CEP295: variants seen among roughly 807,000 people sequenced by gnomAD.
CEP295 encodes the protein centrosomal protein of 295 kDa.
In CEP295, 190 loss-of-function variants were observed where a neutral mutation model predicts 291.6. That is an observed-to-expected ratio of 0.65 (90% CI 0.58 to 0.73). CEP295 has a LOEUF of 0.73. Among genes scored for constraint, CEP295 ranks in the 30% least tolerant of loss-of-function variants. The pLI is 0.00. For missense variants in CEP295, 2,863 were observed against 2,949.4 expected (o/e 0.97, Z 0.68); for synonymous variants, 993 against 1,038.8 (o/e 0.96, Z 0.85).
intron 7 of CEP295, among the ~76,000 whole-genome samples, chr11:93,681,589 T>C (rs1950968328): frequency 6.6e-6 from 1 of 151,614 alleles, no homozygotes; most frequent in South Asian, 2.1e-4. Context: ...CTAATTTTTA[T>C]ATTTTTAGTA....
rs371651578 is a variant in CEP295 at position 93,698,843 on chromosome 11, A to G, written c.3931A>G (p.Ile1311Val). 2 of 1,551,754 alleles carry G rather than the reference A, an allele frequency of 1.3e-6. No homozygotes were observed. Among genetic ancestry groups the G allele is most frequent in the South Asian group, 2.4e-5 (2 of 84,064 alleles). Reference sequence around the variant, plus strand: ...GTTAGCTTCAGCTGAGTCTGGCACAATCCTGGAACCTCTTTTTACAGAGAG... The same window carrying G: ...GTTAGCTTCAGCTGAGTCTGGCACAGTCCTGGAACCTCTTTTTACAGAGAG... Reference protein sequence around the residue: ...TSLASAESGTILEPLFTESES... With the variant: ...TSLASAESGTVLEPLFTESES... Residue 1311 changes from isoleucine to valine, a missense_variant, in exon 15 of 30, where the codon ATC becomes GTC. Transcript: ENST00000325212.
At chr11:93,663,777 A>G (rs984985275) in intron 1 of CEP295, among the ~76,000 whole-genome samples, 4 of 152,206 alleles carry the variant, frequency 2.6e-5, no homozygotes, top group Non-Finnish European at 5.9e-5. Context: ...ATGTTTTTCA[A>G]TAATCCTCTG....
chr11:93,694,244 G>A (rs1226578790), intron 12 of CEP295, among the ~76,000 whole-genome samples: 1 of 152,140 alleles, frequency 6.6e-6, no homozygotes, highest in Non-Finnish European at 1.5e-5. Context: ...GTAAATACTT[G>A]TCTGTTTATC....
At chr11:93,696,494 A>T in intron 14 of CEP295, 77 bp downstream of exon 14, 1 of 1,111,680 alleles carries the variant, frequency 9.0e-7, no homozygotes, top group African/African-American at 1.6e-5. Context: ...TTATATGAGG[A>T]TCTAATTTGG....
At chr11:93,666,926 C>A in intron 2 of CEP295, 111 bp downstream of exon 2, 1 of 600,600 alleles carries the variant, frequency 1.7e-6, no homozygotes, top group Non-Finnish European at 2.8e-6. Flanking sequence ...TCTGGGTATA[C>A]GAGAGCCCTG....
chr11:93,689,611 A>G (rs573802886), intron 10 of CEP295, among the ~76,000 whole-genome samples: 1 of 151,370 alleles, frequency 6.6e-6, no homozygotes, highest in South Asian at 2.1e-4. Context: ...CCCCACCTCT[A>G]CCCCAACCTC....
Position 93,697,499 on chromosome 11 carries a change from G to T in CEP295, c.2587G>T (p.Ala863Ser). Residue 863 changes from alanine to serine, a missense_variant, in exon 15 of 30, where the codon GCA (alanine) becomes TCA (serine). By Grantham distance (99) the Ala-to-Ser change is moderately conservative. This residue lies in a region of CEP295 where 2,295 missense variants were observed against 2,335.7 expected (regional missense o/e 0.98). Coordinates refer to ENST00000325212, the MANE Select transcript of CEP295 (RefSeq NM_033395.2). ...AGACCTACAGAAGAAAGTTCTTCAG[G>T]CAACTCAGGAAGCTCAGGAACAGTT... ...QLDLQKKVLQ[A>S]TQEAQEQLLL... 1 of 1,551,888 alleles carries T rather than the reference G, an allele frequency of 6.4e-7. No individual in the cohort carries two copies. Among genetic ancestry groups the T allele is most frequent in the Non-Finnish European group, 8.7e-7 (1 of 1,147,016 alleles).
Position 93,696,615 on chromosome 11 carries a change from A to T in CEP295, c.1770-67A>T. 2.2e-6 allele frequency: 3 copies of T among 1,372,444 alleles called. No individual in the cohort carries two copies. The South Asian group carries it at 4.5e-5, about 21-fold the overall frequency. The allele number at this position is 1,372,444 out of a possible 1,614,324, so 85.0% of individuals were successfully genotyped here. A position where few individuals can be genotyped will look rare whatever the true frequency, so the allele number is the denominator to read the frequency against. On this transcript the variant is annotated intron_variant, in intron 14 of 29. Coordinates refer to ENST00000325212, the MANE Select transcript of CEP295 (RefSeq NM_033395.2). Reference sequence around the variant, plus strand: ...CCTAGATTGCTGTTTGTTAAATTTAATGTATAGACATGGGGCTTTTTATTT... The same window carrying T: ...CCTAGATTGCTGTTTGTTAAATTTATTGTATAGACATGGGGCTTTTTATTT...
At chr11:93,673,693 A>G (rs1950553486) in intron 5 of CEP295, among the ~76,000 whole-genome samples, 3 of 151,912 alleles carry the variant, frequency 2.0e-5, no homozygotes, top group Admixed American at 2.0e-4. Context: ...GGGTTTCTCC[A>G]TGTTGGTCAG....
rs1441782091 is a variant in CEP295 at position 93,723,304 on chromosome 11, A to T, written c.6196+15A>T. On this transcript the variant is annotated intron_variant, in intron 21 of 29. Transcript: ENST00000325212. ...AGATTTGCAAGGTAAAATTATTTTA[A>T]AGCAATACTTTTATGTAAATTAAGT... 1.4e-6 allele frequency: 2 copies of T among 1,450,914 alleles called. No homozygotes were observed. The highest frequency in any genetic ancestry group is 5.0e-5 in the East Asian group (2 of 40,200). 89.9% of individuals were successfully genotyped at this position (1,450,914 alleles called of 1,614,324 possible). A position where few individuals can be genotyped will look rare whatever the true frequency, so the allele number is the denominator to read the frequency against.
rs964168143 is a variant in CEP295, at chr11:93,699,328, T to C, written c.4416T>C (p.Ser1472=). 2.4e-5 allele frequency: 38 copies of C among 1,552,012 alleles called. No individual in the cohort carries two copies. The highest frequency in any genetic ancestry group is 3.1e-5 in the Non-Finnish European group (36 of 1,147,080). Reference sequence around the variant, plus strand: ...ATGCACAGACAGATTTCCTTCCTTCTATTGAGAAAACCCAGAAAGAATTGG... The same window carrying C: ...ATGCACAGACAGATTTCCTTCCTTCCATTGAGAAAACCCAGAAAGAATTGG... ...HLHAQTDFLP[S]IEKTQKELVL... The change falls in exon 15 of 30, where the codon TCT becomes TCC. Residue 1472 remains serine, a synonymous_variant. Coordinates refer to ENST00000325212, the MANE Select transcript of CEP295 (RefSeq NM_033395.2).
intron 5 of CEP295, among the ~76,000 whole-genome samples, chr11:93,673,555 G>T (rs947954177): frequency 6.6e-6 from 1 of 151,514 alleles, no homozygotes; most frequent in Non-Finnish European, 1.5e-5. Context: ...GGGCAGTGGT[G>T]CAGTCTCGGC....
intron 18 of CEP295, among the ~76,000 whole-genome samples, chr11:93,711,881 C>T (rs1952928764): frequency 6.6e-6 from 1 of 151,072 alleles, no homozygotes; most frequent in African/African-American, 2.4e-5. Context: ...TGTGGTCTGT[C>T]TCTGACAATG....
At position 93,706,729 on chromosome 11, in the gene CEP295, AT is replaced by A. The variant is rs573988986; in HGVS notation, c.5597-10del. 2.4e-4 allele frequency: 367 copies of A among 1,502,174 alleles called. No homozygotes were observed. The highest frequency in any genetic ancestry group is 6.1e-4 in the African/African-American group (43 of 70,892). The allele number at this position is 1,502,174 out of a possible 1,614,324, so 93.1% of individuals were successfully genotyped here. ...TAGTTCCAGAAATTGAAGTGGAAAT[AT>A]TTTTTCCCCCCCAGGTAAACCAGGT... On this transcript the variant is annotated splice_polypyrimidine_tract_variant and intron_variant, in intron 17 of 29. Coordinates refer to ENST00000325212, the MANE Select transcript of CEP295 (RefSeq NM_033395.2).
chr11:93,662,598 A>G (rs1255768254), intron 1 of CEP295, among the ~76,000 whole-genome samples: 2 of 152,258 alleles, frequency 1.3e-5, no homozygotes, highest in Admixed American at 1.3e-4. Context: ...TAAATAATTA[A>G]TAAACAAGTA....
At chr11:93,724,067 G>T (rs1490122471) in intron 21 of CEP295, 187 bp from the exon 22 acceptor site, 1 of 514,364 alleles carries the variant, frequency 1.9e-6, no homozygotes, top group Non-Finnish European at 3.3e-6. Flanking sequence ...AAATAATCAT[G>T]ATAGGACTTA....
At chr11:93,674,163 A>G (rs925071641) in intron 5 of CEP295, among the ~76,000 whole-genome samples, 4 of 151,814 alleles carry the variant, frequency 2.6e-5, no homozygotes, top group African/African-American at 9.7e-5. Context: ...GAGTTTTACC[A>G]TGTTGGCTAG....
chr11:93,697,255 T>A lies in CEP295; in HGVS notation c.2343T>A (p.Thr781=). 1 of 1,551,762 alleles carries A rather than the reference T, an allele frequency of 6.4e-7. No homozygotes were observed. Among genetic ancestry groups the A allele is most frequent in the Non-Finnish European group, 8.7e-7 (1 of 1,146,990 alleles). Residue 781 remains threonine (T), a synonymous_variant, in exon 15 of 30, where the codon ACT becomes ACA. Coordinates refer to ENST00000325212, the MANE Select transcript of CEP295 (RefSeq NM_033395.2). Reference sequence around the variant, plus strand: ...GTGAAAATATATCTTACCATTTAACTGAACCTTCTTCATTTGTACCACTGG... The same window carrying A: ...GTGAAAATATATCTTACCATTTAACAGAACCTTCTTCATTTGTACCACTGG... The part of the protein sequence containing the change: ...ENSENISYHL[T]EPSSFVPLVP...
intron 17 of CEP295, among the ~76,000 whole-genome samples, chr11:93,705,699 GTC>G (rs1378313072): frequency 6.6e-6 from 1 of 151,564 alleles, no homozygotes; most frequent in Non-Finnish European, 1.5e-5. Context: ...TTTTTTTGTT[GTC>G]TCTGTCTTAT....
Sources: allele counts gnomAD v4.1 joint callset (sites outside exome capture counted in the v4.1 genomes callset), GRCh38; gene constraint gnomAD v4.1.1; regional missense constraint gnomAD v4.1.1; transcripts MANE v1.5; gene names NCBI Gene and HGNC (gene_info 2026-07-23, HGNC 2026-07-21).